KIF5B: variants seen among roughly 807,000 people sequenced by gnomAD.
KIF5B encodes kinesin-1 heavy chain.
KIF5B carries 49 observed loss-of-function variants against 132.8 expected under a neutral mutation model. The ratio of observed to expected loss-of-function variants is 0.37; its 90% confidence interval spans 0.29 to 0.47. The LOEUF is 0.47. Among genes scored for constraint, KIF5B ranks in the 20% least tolerant of loss-of-function variants. The pLI is 1.00. For synonymous variants in KIF5B, 355 were observed against 369.4 expected (o/e 0.96, Z 0.45); for missense variants, 780 against 1,144.0 (o/e 0.68, Z 4.59).
chr10:32,024,175 G>C (rs1333145270), intron 15 of KIF5B, among the ~76,000 whole-genome samples: 1 of 32,404 alleles, frequency 3.1e-5, no homozygotes, highest in African/African-American at 1.0e-4. Flanking sequence ...TTTTTTTTGA[G>C]ACGGAGTCTC....
rs145360044 is a variant in KIF5B, at chr10:32,018,140, G to C, written c.2456C>G (p.Ser819Cys). Residue 819 changes from serine to cysteine, a missense_variant, in exon 23 of 26, where the codon TCT (serine) becomes TGT (cysteine). This residue lies in a region of KIF5B where 471 missense variants were observed against 569.9 expected (regional missense o/e 0.83). Coordinates refer to ENST00000302418, the MANE Select transcript of KIF5B (RefSeq NM_004521.3). Reference protein sequence around the residue: ...TRVKKSAEIDSDDTGGSAAQK... With the variant: ...TRVKKSAEIDCDDTGGSAAQK... ...AGCAGCGCTGCCTCCGGTGTCATCA[G>C]AATCAATCTCAGCACTCTGAGAAAA... The C allele has an allele frequency of 6.2e-7, 1 of 1,606,840 alleles. No homozygotes were observed. The highest frequency in any genetic ancestry group is 8.5e-7 in the Non-Finnish European group (1 of 1,176,012).
At chr10:32,052,762 T>A (rs1841709833) in intron 1 of KIF5B, among the ~76,000 whole-genome samples, 1 of 152,238 alleles carries the variant, frequency 6.6e-6, no homozygotes, top group Admixed American at 6.5e-5. Context: ...AAGACTTTCA[T>A]AAAATAATTC....
In KIF5B at chr10:32,023,033, G is replaced by A; in HGVS notation, c.1729C>T (p.Pro577Ser). 1.3e-6 allele frequency: 2 copies of A among 1,539,566 alleles called. No individual in the cohort carries two copies. The highest frequency in any genetic ancestry group is 8.8e-7 in the Non-Finnish European group (1 of 1,138,662). Reference sequence around the variant, plus strand: ...TCATCTATCATGCCAGTTCCCTCAGGCTGCTGTAAGGAAAAAGTAAAATAA... The same window carrying A: ...TCATCTATCATGCCAGTTCCCTCAGACTGCTGTAAGGAAAAAGTAAAATAA... ...IAVGNNDVKQPEGTGMIDEEF... is the reference protein window; with the variant it reads ...IAVGNNDVKQSEGTGMIDEEF... The change falls in exon 16 of 26, where the codon CCT becomes TCT. Residue 577 changes from proline to serine, a missense_variant. This residue lies in a region of KIF5B where 471 missense variants were observed against 569.9 expected (regional missense o/e 0.83). Transcript: ENST00000302418.
At chr10:32,052,255 C>T (rs533151875) in intron 1 of KIF5B, among the ~76,000 whole-genome samples, 1 of 152,250 alleles carries the variant, frequency 6.6e-6, no homozygotes, top group East Asian at 1.9e-4. Context: ...TAGTTAAACA[C>T]TATAGTGGGC....
chr10:32,049,267 G>C (rs1265609720), intron 1 of KIF5B, among the ~76,000 whole-genome samples: 1 of 152,180 alleles, frequency 6.6e-6, no homozygotes, highest in Admixed American at 6.5e-5. Context: ...AAAAAATTAA[G>C]TGACCAGAAT....
rs1019741843 is a variant in KIF5B at position 32,056,347 on chromosome 10, G to A, written c.-374C>T. 25 of 242,760 alleles carry A rather than the reference G, an allele frequency of 1.0e-4. No individual in the cohort carries two copies. Among genetic ancestry groups the A allele is most frequent in the Non-Finnish European group, 1.5e-4 (19 of 123,752 alleles). 15.0% of individuals were successfully genotyped at this position (242,760 alleles called of 1,614,324 possible). ...TTCCTCCTCGCGAAGAGCAGGCCGG[G>A]CCTACCCGTCCGCCCGCTCTGCCGT... On this transcript the variant is annotated 5_prime_UTR_variant, in exon 1 of 26. Coordinates refer to ENST00000302418, the MANE Select transcript of KIF5B (RefSeq NM_004521.3).
chr10:32,040,654 CA>C (rs1841522764), intron 2 of KIF5B, among the ~76,000 whole-genome samples, 197 bp from the exon 3 acceptor site: 7 of 149,792 alleles, frequency 4.7e-5, no homozygotes, highest in East Asian at 3.9e-4. Flanking sequence ...CACACACACA[CA>C]CACCCTCTTC....
chr10:32,031,843 CAA>C, intron 13 of KIF5B, among the ~76,000 whole-genome samples: 1 of 36,582 alleles, frequency 2.7e-5, no homozygotes, highest in East Asian at 6.6e-4. Flanking sequence ...CTAAAAATAC[CAA>C]AAAATTAGCC....
chr10:32,033,979 TGAA>T lies in KIF5B; in HGVS notation c.1168_1170del (p.Phe390del), dbSNP rs775324018. 1 of 1,606,336 alleles carries T rather than the reference TGAA, an allele frequency of 6.2e-7. No homozygotes were observed. The highest frequency in any genetic ancestry group is 1.1e-5 in the South Asian group (1 of 89,156). On this transcript the variant is annotated inframe_deletion, in exon 12 of 26. Transcript: ENST00000302418. ...GTAAGAGTAATATCTTTATCCACTG[TGAA>T]AGCTTCCAAGTTGGCTTTCTCTTTG...
chr10:32,013,420 A>G (rs1389362044), intron 25 of KIF5B, among the ~76,000 whole-genome samples: 1 of 152,224 alleles, frequency 6.6e-6, no homozygotes, highest in Non-Finnish European at 1.5e-5. Flanking sequence ...CAAGGTGACT[A>G]CACATAAAAA....
Position 32,020,563 on chromosome 10 carries a change from G to A in KIF5B, c.2204+459C>T, listed in dbSNP as rs114341341. Among the ~76,000 whole-genome samples the A allele has an allele frequency of 8.3e-3, 1,260 of 152,108 alleles. 13 individuals are homozygous for A. Among genetic ancestry groups the A allele is most frequent in the African/African-American group, 0.029 (1,185 of 41,454 alleles). ...AGCCTCCTGGGTCACTGGGACTACA[G>A]GCATGTGCCACCAAGCTCAGCTAAT... is the stretch of plus-strand genomic sequence containing the variant. On this transcript the variant is annotated intron_variant, in intron 19 of 25. Transcript: ENST00000302418.
At position 32,028,421 on chromosome 10, in the gene KIF5B, T is replaced by C. The variant is rs1841359732; in HGVS notation, c.1725+7A>G. 6 of 1,603,966 alleles carry C rather than the reference T, an allele frequency of 3.7e-6. No homozygotes were observed. Among genetic ancestry groups the C allele is most frequent in the East Asian group, 2.2e-5 (1 of 44,818 alleles). The stretch of plus-strand genomic sequence containing the variant: ...AATTGTCCTTAATACTTAGTTATTA[T>C]ATTTACCTTTACATCATTATTTCCC... On this transcript the variant is annotated splice_region_variant and intron_variant, in intron 15 of 25. Transcript: ENST00000302418.
At chr10:32,020,599 AT>A (rs1357667219) in intron 19 of KIF5B, among the ~76,000 whole-genome samples, 1 of 152,058 alleles carries the variant, frequency 6.6e-6, no homozygotes, top group Non-Finnish European at 1.5e-5. Flanking sequence ...TTAAAAAATT[AT>A]TTTTTGTAGA....
At chr10:32,039,257 G>T in intron 4 of KIF5B, 70 bp downstream of exon 4, 1 of 620,134 alleles carries the variant, frequency 1.6e-6, no homozygotes, top group Non-Finnish European at 2.8e-6. Context: ...AAAGAAACCA[G>T]CATTTACTAT....
rs1378525340 is a variant in KIF5B at position 32,018,546 on chromosome 10, G to C, written c.2323C>G (p.Arg775Gly). The C allele has an allele frequency of 6.2e-6, 10 of 1,612,132 alleles. No individual in the cohort carries two copies. The highest frequency in any genetic ancestry group is 8.5e-6 in the Non-Finnish European group (10 of 1,178,910). Residue 775 changes from arginine to glycine, a missense_variant, in exon 21 of 26, where the codon CGA becomes GGA. This residue lies in a region of KIF5B where 471 missense variants were observed against 569.9 expected (regional missense o/e 0.83). Transcript: ENST00000302418. ...TTCAAGTCTTGTCTTGCTTGTTCTC[G>C]TCTATCTTGCATAACCCTAACAGTA... is the stretch of plus-strand genomic sequence containing the variant. ...LHELTVMQDR[R>G]EQARQDLKGL...
chr10:32,016,194 T>C (rs211397), intron 24 of KIF5B, among the ~76,000 whole-genome samples: 30,427 of 151,918 alleles, frequency 0.2, 3,292 homozygotes, highest in Non-Finnish European at 0.25. Flanking sequence ...CAGTGGCTCA[T>C]GCCTGTAATC....
In KIF5B at chr10:32,056,187, A is replaced by C. The variant is rs1158772482; in HGVS notation, c.-214T>G. On this transcript the variant is annotated 5_prime_UTR_variant, in exon 1 of 26. An upstream start codon of the reference 5' UTR is lost. Coordinates refer to ENST00000302418, the MANE Select transcript of KIF5B (RefSeq NM_004521.3). The stretch of plus-strand genomic sequence containing the variant: ...TAACCCTAATGCTCACTTCCGATCC[A>C]TCATGGCAGCCATGGCGGCGGCAGC... 9.4e-6 allele frequency: 5 copies of C among 533,196 alleles called. No individual in the cohort carries two copies. The highest frequency in any genetic ancestry group is 1.6e-5 in the Non-Finnish European group (5 of 311,022). The allele number at this position is 533,196 out of a possible 1,614,324, so 33.0% of individuals were successfully genotyped here.
At chr10:32,021,505 G>GTT (rs58363319) in intron 17 of KIF5B, among the ~76,000 whole-genome samples, 1,436 of 140,614 alleles carry the variant, frequency 0.01, 19 homozygotes, top group African/African-American at 0.034. Context: ...GGTTTGTTTG[G>GTT]TTTTTTTTTT....
At chr10:32,046,057 T>G (rs1003850859) in intron 2 of KIF5B, among the ~76,000 whole-genome samples, 1 of 152,006 alleles carries the variant, frequency 6.6e-6, no homozygotes, top group African/African-American at 2.4e-5. Context: ...ACTTACTAGA[T>G]CCCCAGTATA....
Sources: allele counts gnomAD v4.1 joint callset (sites outside exome capture counted in the v4.1 genomes callset), GRCh38; gene constraint gnomAD v4.1.1; regional missense constraint gnomAD v4.1.1; transcripts MANE v1.5; gene names NCBI Gene and HGNC (gene_info 2026-07-23, HGNC 2026-07-21).